Variants in ATP7A observed in about 807,000 individuals in gnomAD.
ATP7A encodes ATPase copper transporting alpha.
Under a neutral mutation model 83.5 loss-of-function variants are expected in ATP7A, and 7 were observed. The ratio of observed to expected loss-of-function variants is 0.08; its 90% CI spans 0.05 to 0.16. The LOEUF is 0.16. Ranked by LOEUF, ATP7A falls within the 10% of genes least tolerant of loss-of-function variation. The pLI is 1.00. For missense variants in ATP7A, 940 were observed against 1,120.8 expected (o/e 0.84, Z 2.30); for synonymous variants, 354 against 395.2 (o/e 0.90, Z 1.24).
intron 9 of ATP7A, 92 bp from the exon 10 acceptor site, chrX:78,012,787 A>C: frequency 1.2e-6 from 1 of 828,007 alleles, no homozygotes; most frequent in Non-Finnish European, 1.8e-6. Context: ...TAAAAGCCAA[A>C]GAAAGTGACT....
In ATP7A at chrX:77,969,146, G is replaced by T. The variant is rs1215961611; in HGVS notation, c.-21-2475G>T. 4.1e-6 allele frequency: 5 copies of T among 1,209,784 alleles called. No individual in the cohort carries two copies. The African/African-American group carries it at 8.7e-5, about 21-fold the overall frequency. On this transcript the variant is annotated intron_variant, in intron 1 of 22. Coordinates refer to ENST00000341514, the MANE Select transcript of ATP7A (RefSeq NM_000052.7). ...GGAACTATTTCTTCATTCCAGAAGG[G>T]CAGAGCTCTGGCAATAGTATCCTTC...
intron 1 of ATP7A, among the ~76,000 whole-genome samples, chrX:77,965,114 T>G (rs1270212495): frequency 9.0e-6 from 1 of 111,095 alleles, no homozygotes. Flanking sequence ...AAAGATATGC[T>G]TATTTCAGTA....
intron 9 of ATP7A, among the ~76,000 whole-genome samples, chrX:78,012,248 T>C (rs1557234651): frequency 3.6e-5 from 4 of 112,299 alleles, no homozygotes; most frequent in Admixed American, 9.5e-5. Flanking sequence ...TATCTGATCC[T>C]TATAAAAGGC....
rs1046258873 is a variant in ATP7A at position 77,943,280 on chromosome X, A to C, written c.-21-28341A>C. Among the ~76,000 whole-genome samples the C allele has an allele frequency of 2.7e-5, 3 of 112,588 alleles. No individual in the cohort carries two copies. In the East Asian group the frequency reaches 8.3e-4, roughly 31 times the overall value. On this transcript the variant is annotated intron_variant, in intron 1 of 22. Coordinates refer to ENST00000341514, the MANE Select transcript of ATP7A (RefSeq NM_000052.7). ...ATTAAAGAATCACATTCTGCTAATT[A>C]TTTTAGTGCCCAGCACTAAAAGAAT... is the stretch of plus-strand genomic sequence containing the variant.
chrX:78,001,983 A>G (rs1345159401), intron 5 of ATP7A, among the ~76,000 whole-genome samples: 1 of 111,507 alleles, frequency 9.0e-6, no homozygotes, highest in Non-Finnish European at 1.9e-5. Flanking sequence ...ATAAATGACT[A>G]TTATTTGATA....
intron 4 of ATP7A, among the ~76,000 whole-genome samples, chrX:77,996,004 C>T (rs782746073): frequency 8.9e-6 from 1 of 111,969 alleles, no homozygotes; most frequent in South Asian, 3.7e-4. Context: ...CTCGGCCTCC[C>T]CAAGTGCTGG....
intron 12 of ATP7A, among the ~76,000 whole-genome samples, chrX:78,017,167 C>G (rs1282017913): frequency 1.8e-5 from 2 of 112,563 alleles, no homozygotes; most frequent in South Asian, 7.2e-4. Context: ...GCAGGCCCAA[C>G]ACCACGTGGA....
At chrX:77,992,779 T>A (rs1011968366) in intron 4 of ATP7A, among the ~76,000 whole-genome samples, 19 of 110,966 alleles carry the variant, frequency 1.7e-4, no homozygotes, top group African/African-American at 6.2e-4. Flanking sequence ...GCCCAGCTAA[T>A]TTTTTTGTAT....
intron 6 of ATP7A, among the ~76,000 whole-genome samples, chrX:78,004,711 C>A (rs113389860): frequency 2.8e-5 from 3 of 108,799 alleles, no homozygotes; most frequent in African/African-American, 1.0e-4. Context: ...GGTGAAACCC[C>A]GTGTCTACTA....
chrX:77,996,889 AT>A (rs1192702959), intron 4 of ATP7A, among the ~76,000 whole-genome samples: 11 of 107,897 alleles, frequency 1.0e-4, no homozygotes, highest in Admixed American at 7.0e-4. Flanking sequence ...AACCAAAGTG[AT>A]TTTTTTTTTG....
intron 1 of ATP7A, among the ~76,000 whole-genome samples, chrX:77,915,279 C>T (rs1378798230): frequency 1.8e-5 from 2 of 109,340 alleles, no homozygotes; most frequent in African/African-American, 6.7e-5. Context: ...CACACCACTG[C>T]ACTCCACCCT....
In ATP7A at chrX:78,031,482, G is replaced by A; in HGVS notation, c.3194G>A (p.Ser1065Asn). The A allele has an allele frequency of 4.1e-6, 5 of 1,210,600 alleles. No individual in the cohort carries two copies. The highest frequency in any genetic ancestry group is 5.6e-6 in the Non-Finnish European group (5 of 894,398). The change falls in exon 16 of 23, where the codon AGT (serine) becomes AAT (asparagine). Residue 1065 changes from serine (S) to asparagine (N), a missense_variant. By Grantham distance (46) the Ser-to-Asn change is conservative. Coordinates refer to ENST00000341514, the MANE Select transcript of ATP7A (RefSeq NM_000052.7). ...AATCAAGTAAAGGTTCTAACTGAAA[G>A]TAACAGAATATCACACCATAAAATC... ...VVNQVKVLTE[S>N]NRISHHKILA... is the part of the protein sequence containing the mutation.
At chrX:78,006,322 A>C (rs1450561296) in intron 6 of ATP7A, among the ~76,000 whole-genome samples, 1 of 112,233 alleles carries the variant, frequency 8.9e-6, no homozygotes, top group Non-Finnish European at 1.9e-5. Flanking sequence ...GATGTTCATT[A>C]TAGTATTGTT....
intron 1 of ATP7A, among the ~76,000 whole-genome samples, chrX:77,930,563 T>C (rs141007310): frequency 1.8e-3 from 206 of 111,930 alleles, no homozygotes; most frequent in African/African-American, 6.2e-3. Context: ...CACTCAATAC[T>C]GAAATGCATA....
intron 14 of ATP7A, among the ~76,000 whole-genome samples, chrX:78,026,621 CCA>C (rs1430728456): frequency 1.8e-5 from 2 of 111,995 alleles, no homozygotes; most frequent in African/African-American, 6.5e-5. Context: ...CACTCAATAA[CCA>C]CAGAGTATAT....
intron 6 of ATP7A, among the ~76,000 whole-genome samples, chrX:78,007,262 T>A (rs1158258117): frequency 1.8e-5 from 2 of 112,591 alleles, no homozygotes; most frequent in Admixed American, 9.4e-5. Flanking sequence ...ACTAATAATG[T>A]TGAGTATCTT....
Position 78,003,252 on chromosome X carries a change from T to C in ATP7A, c.1707+16T>C, listed in dbSNP as rs1557233398. The C allele has an allele frequency of 2.5e-6, 3 of 1,201,810 alleles. No homozygotes were observed. Among genetic ancestry groups the C allele is most frequent in the South Asian group, 1.8e-5 (1 of 56,752 alleles). On this transcript the variant is annotated intron_variant, in intron 6 of 22. Transcript: ENST00000341514. ...GGAACTTGTTGTAAGTAAGATTTTT[T>C]GTGTGATTAATAAAACTTCCAGAAA...
intron 4 of ATP7A, among the ~76,000 whole-genome samples, chrX:77,996,406 G>A (rs1304008930): frequency 8.9e-6 from 1 of 112,222 alleles, no homozygotes; most frequent in African/African-American, 3.2e-5. Flanking sequence ...TGCCTCAAGT[G>A]CAGGAAAATC....
At position 77,989,850 on chromosome X, in the gene ATP7A, G is replaced by A. The variant is rs1557231906; in HGVS notation, c.1228G>A (p.Val410Ile). The A allele has an allele frequency of 8.3e-7, 1 of 1,208,786 alleles. No homozygotes were observed. Among genetic ancestry groups the A allele is most frequent in the Non-Finnish European group, 1.1e-6 (1 of 894,416 alleles). ...SKKPGVKSIR[V>I]SLANSNGTVE... is the part of the protein sequence containing the mutation. ...AAAGCCAGGTGTAAAATCCATACGA[G>A]TCTCCCTTGCAAATAGCAATGGGAC... Residue 410 changes from valine to isoleucine, a missense_variant, in exon 4 of 23, where the codon GTC becomes ATC. Val to Ile is a conservative substitution (Grantham distance 29). Around this residue, in one of 3 missense-constraint regions of ATP7A, gnomAD observed 350 missense variants for 432.8 expected, o/e 0.81. Coordinates refer to ENST00000341514, the MANE Select transcript of ATP7A (RefSeq NM_000052.7).
Sources: allele counts gnomAD v4.1 joint callset (sites outside exome capture counted in the v4.1 genomes callset), GRCh38; gene constraint gnomAD v4.1.1; regional missense constraint gnomAD v4.1.1; transcripts MANE v1.5; gene names NCBI Gene and HGNC (gene_info 2026-07-23, HGNC 2026-07-21).